ERN1: variants seen among roughly 807,000 people sequenced by gnomAD.
ERN1 encodes endoplasmic reticulum to nucleus signaling 1.
ERN1 carries 39 observed loss-of-function variants against 113.1 expected under a neutral mutation model. The ratio of observed to expected loss-of-function variants is 0.34; its 90% CI spans 0.27 to 0.45. The LOEUF (loss-of-function observed/expected upper bound fraction) is 0.45, where lower values mean the gene tolerates loss of function less well. ERN1 is among the 20% of genes least tolerant of loss of function. The pLI is 1.00. For synonymous variants in ERN1, 507 were observed against 515.9 expected (o/e 0.98, Z 0.23); for missense variants, 976 against 1,274.8 (o/e 0.77, Z 3.57).
chr17:64,123,647 A>T (rs1392269678), intron 1 of ERN1, among the ~76,000 whole-genome samples: 5 of 152,228 alleles, frequency 3.3e-5, no homozygotes, highest in African/African-American at 1.2e-4. Context: ...ACATACAATC[A>T]GCAAATTTCA....
intron 3 of ERN1, 132 bp from the exon 4 acceptor site, chr17:64,079,866 T>G: frequency 1.6e-6 from 1 of 644,582 alleles, no homozygotes; most frequent in Non-Finnish European, 2.8e-6. Flanking sequence ...TAAGTGAGTA[T>G]ATAAGACAAT....
In ERN1 at chr17:64,098,233, T is replaced by C. The variant is rs1914282928; in HGVS notation, c.63A>G (p.Gly21=). The C allele has an allele frequency of 1.9e-6, 3 of 1,613,934 alleles. No individual in the cohort carries two copies. The Admixed American group carries it at 5.0e-5, about 27-fold the overall frequency. ...CAGGAAGCGTCACTGTGCTGGTACTTCCAAAAATCTGCAACGAGATGTAGA... is the reference window on the plus strand; with the variant it reads ...CAGGAAGCGTCACTGTGCTGGTACTCCCAAAAATCTGCAACGAGATGTAGA... ...TLLLPGLGIF[G]STSTVTLPET... The change falls in exon 2 of 22, where the codon GGA becomes GGG. Residue 21 remains glycine, a synonymous_variant. Transcript: ENST00000433197.
At chr17:64,113,317 G>A (rs1030334055) in intron 1 of ERN1, among the ~76,000 whole-genome samples, 6 of 152,026 alleles carry the variant, frequency 3.9e-5, no homozygotes, top group Non-Finnish European at 7.4e-5. Flanking sequence ...TTTAGGATGA[G>A]GTTAAAAACA....
rs1912419635 is a variant in ERN1, at chr17:64,043,951, A to C, written c.*37T>G. ...AATTGTGGTGACCAGGCCCTCAGTCACAGCTGGGGCCACCAGAACAGAGGG... is the reference window on the plus strand; with the variant it reads ...AATTGTGGTGACCAGGCCCTCAGTCCCAGCTGGGGCCACCAGAACAGAGGG... On this transcript the variant is annotated 3_prime_UTR_variant, in exon 22 of 22. Coordinates refer to ENST00000433197, the MANE Select transcript of ERN1 (RefSeq NM_001433.5). The C allele has an allele frequency of 7.1e-7, 1 of 1,414,676 alleles. No individual in the cohort carries two copies. Among genetic ancestry groups the C allele is most frequent in the Non-Finnish European group, 9.8e-7 (1 of 1,019,098 alleles). 87.6% of individuals were successfully genotyped at this position (1,414,676 alleles called of 1,614,324 possible).
In ERN1 at chr17:64,049,327, C is replaced by T; in HGVS notation, c.2254-125G>A. On this transcript the variant is annotated intron_variant, in intron 17 of 21. Transcript: ENST00000433197. The surrounding 1 kb of genome is among the most constrained non-coding windows in gnomAD (Gnocchi z 4.7). ...AAGGTGTCCTGGGAGAATCAGCTGA[C>T]ATATGTGAGCTGCACAGAGCAGCGA... 2.0e-6 allele frequency: 2 copies of T among 994,876 alleles called. No individual in the cohort carries two copies. The highest frequency in any genetic ancestry group is 2.8e-5 in the Admixed American group (1 of 36,272). 61.6% of individuals were successfully genotyped at this position (994,876 alleles called of 1,614,324 possible).
rs1374374667 is a variant in ERN1 at position 64,054,465 on chromosome 17, G to A, written c.1764-26C>T. 6.5e-7 allele frequency: 1 copy of A among 1,543,512 alleles called. No homozygotes were observed. The highest frequency in any genetic ancestry group is 2.4e-5 in the East Asian group (1 of 40,838). On this transcript the variant is annotated intron_variant, in intron 14 of 21. Transcript: ENST00000433197. This position sits in a 1 kb window ranked among gnomAD's most constrained non-coding sequence, Gnocchi z 4.9. ...CTGCGGGATGAGGAGTGGGAGTTGTGTCTGGGAAGCACGAGTCAGGCTGTG... is the reference window on the plus strand; with the variant it reads ...CTGCGGGATGAGGAGTGGGAGTTGTATCTGGGAAGCACGAGTCAGGCTGTG...
At chr17:64,072,694 C>T (rs1205996564) in intron 5 of ERN1, among the ~76,000 whole-genome samples, 1 of 152,234 alleles carries the variant, frequency 6.6e-6, no homozygotes, top group African/African-American at 2.4e-5. Context: ...GGCCTCGGGC[C>T]ATACCCCCTA....
At chr17:64,072,790 A>G (rs117702944) in intron 5 of ERN1, among the ~76,000 whole-genome samples, 3 of 152,352 alleles carry the variant, frequency 2.0e-5, no homozygotes, top group Non-Finnish European at 4.4e-5. Flanking sequence ...TATCAATGGT[A>G]TATACCCAAC....
In ERN1 at chr17:64,068,183, C is replaced by T. The variant is rs373271451; in HGVS notation, c.580+7G>A. On this transcript the variant is annotated splice_region_variant and intron_variant, in intron 7 of 21. Transcript: ENST00000433197. ...CAAGCTTGTGAAATCCAGCAGAGAG[C>T]ACTTACTGTAGTCCACGTCGTCCTC... The T allele has an allele frequency of 1.5e-5, 24 of 1,595,514 alleles. No individual in the cohort carries two copies. Among genetic ancestry groups the T allele is most frequent in the Non-Finnish European group, 2.0e-5 (23 of 1,168,144 alleles).
intron 1 of ERN1, among the ~76,000 whole-genome samples, chr17:64,112,380 A>G (rs928779689): frequency 5.3e-5 from 8 of 151,962 alleles, no homozygotes; most frequent in Admixed American, 2.0e-4. Context: ...AAAAAAAAAA[A>G]AAGAAGAAGA....
chr17:64,097,347 A>G (rs1914257480), intron 2 of ERN1, among the ~76,000 whole-genome samples: 1 of 152,230 alleles, frequency 6.6e-6, no homozygotes, highest in Non-Finnish European at 1.5e-5. Context: ...AAGGAAAAAC[A>G]TTGGCTGTGC....
rs369540285 is a variant in ERN1, at chr17:64,045,511, T to C, written c.2530-29A>G. On this transcript the variant is annotated intron_variant, in intron 19 of 21. Coordinates refer to ENST00000433197, the MANE Select transcript of ERN1 (RefSeq NM_001433.5). ...TGAGAGAAACAAGGGCAGCAGATGA[T>C]GGTCAGTGCTGGAGATGCTGAGAGC... The C allele has an allele frequency of 1.0e-4, 164 of 1,613,548 alleles. 3 individuals carry two copies. The African/African-American group carries it at 2.0e-3, about 20-fold the overall frequency.
In ERN1 at chr17:64,055,763, C is replaced by T. The variant is rs990596439; in HGVS notation, c.1584G>A (p.Thr528=). The T allele has an allele frequency of 1.3e-5, 21 of 1,609,114 alleles. No individual in the cohort carries two copies. Among genetic ancestry groups the T allele is most frequent in the South Asian group, 2.2e-5 (2 of 90,242 alleles). Residue 528 remains threonine (T), a synonymous_variant, in exon 13 of 22, where the codon ACG becomes ACA. Transcript: ENST00000433197. ...GCGAGTGGTTGGAGGCCCTGGGGGA[C>T]GTGCTGGGGCTGCTGGTGCCCGAGC... ...SESSGTSSPS[T]SPRASNHSLC...
rs770877706 is a variant in ERN1, at chr17:64,071,996, A to G, written c.463T>C (p.Tyr155His). Residue 155 changes from tyrosine to histidine, a missense_variant, in exon 6 of 22, where the codon TAT (tyrosine) becomes CAT (histidine). Coordinates refer to ENST00000433197, the MANE Select transcript of ERN1 (RefSeq NM_001433.5). ...DSLCPSTSLL[Y>H]LGRTEYTITM... is the part of the protein sequence containing the mutation. ...CATTTCTTACCTGTTCGCCCAAGAT[A>G]CAGAAGAGAGGTTGATGGGCAGAGA... The G allele has an allele frequency of 6.4e-7, 1 of 1,574,554 alleles. No homozygotes were observed. Among genetic ancestry groups the G allele is most frequent in the Admixed American group, 1.9e-5 (1 of 53,336 alleles).
At chr17:64,122,716 G>C (rs1914984383) in intron 1 of ERN1, among the ~76,000 whole-genome samples, 2 of 152,294 alleles carry the variant, frequency 1.3e-5, no homozygotes, top group South Asian at 4.1e-4. Flanking sequence ...TCATGTAAAA[G>C]TCCTATTAAG....
chr17:64,124,519 C>T (rs530922674), intron 1 of ERN1, among the ~76,000 whole-genome samples: 2 of 152,238 alleles, frequency 1.3e-5, no homozygotes, highest in Non-Finnish European at 2.9e-5. Flanking sequence ...ATAAGTCTCA[C>T]GAGATTTGAT....
intron 1 of ERN1, among the ~76,000 whole-genome samples, chr17:64,113,491 A>G (rs1914724469): frequency 6.6e-6 from 1 of 151,838 alleles, no homozygotes; most frequent in Middle Eastern, 3.4e-3. Flanking sequence ...ATTTTTCCAG[A>G]GCATTTTGCC....
chr17:64,119,390 T>G (rs1225018973), intron 1 of ERN1, among the ~76,000 whole-genome samples: 4 of 138,992 alleles, frequency 2.9e-5, no homozygotes, highest in Non-Finnish European at 6.2e-5. Context: ...TTTTTTTTTT[T>G]TTTTTTTTTT....
At chr17:64,051,169 AGAG>A (rs1215824820) in intron 17 of ERN1, among the ~76,000 whole-genome samples, 2 of 134,522 alleles carry the variant, frequency 1.5e-5, no homozygotes, top group Admixed American at 1.5e-4. Context: ...AAAAAAAAAA[AGAG>A]AGAGAGAAGA....
Sources: allele counts gnomAD v4.1 joint callset (sites outside exome capture counted in the v4.1 genomes callset), GRCh38; gene constraint gnomAD v4.1.1; non-coding constraint Gnocchi (gnomAD v3.1); transcripts MANE v1.5; gene names NCBI Gene and HGNC (gene_info 2026-07-23, HGNC 2026-07-21).